CLMN: variants seen among roughly 807,000 people sequenced by gnomAD.
CLMN encodes calmin, also known as calmin (calponin-like, transmembrane).
Under a neutral mutation model 92.7 loss-of-function variants are expected in CLMN, and 57 were observed. The observed-to-expected ratio is 0.61, with a 90% CI of 0.50 to 0.77. CLMN has a LOEUF of 0.77. Ranked by LOEUF, CLMN falls within the 30% of genes least tolerant of loss-of-function variation. The pLI, the probability that CLMN is intolerant of heterozygous loss-of-function variation, is 0.00. For synonymous variants in CLMN, 466 were observed against 470.6 expected, an observed-to-expected ratio of 0.99 and a Z score of 0.13; for missense variants, 1,158 against 1,237.5, an observed-to-expected ratio of 0.94 and a Z score of 0.96.
intron 2 of CLMN, among the ~76,000 whole-genome samples, chr14:95,224,615 C>T (rs1897654471): frequency 6.6e-6 from 1 of 152,128 alleles, no homozygotes; most frequent in African/African-American, 2.4e-5. Context: ...AACTGAGGCT[C>T]AAAGAGGATG....
chr14:95,230,223 G>A, intron 1 of CLMN, 90 bp from the exon 2 acceptor site: 3 of 1,217,214 alleles, frequency 2.5e-6, no homozygotes, highest in Non-Finnish European at 3.6e-6. Context: ...TCTAGGTGGA[G>A]GGCAGACAGA....
chr14:95,221,849 G>C, intron 3 of CLMN, 75 bp from the exon 4 acceptor site: 1 of 1,387,278 alleles, frequency 7.2e-7, no homozygotes, highest in African/African-American at 1.5e-5. Context: ...GGTGCTGCTG[G>C]GTGTGCTTTA....
chr14:95,311,350 AC>A (rs1052557590), intron 1 of CLMN, among the ~76,000 whole-genome samples: 1 of 151,832 alleles, frequency 6.6e-6, no homozygotes, highest in Non-Finnish European at 1.5e-5. Flanking sequence ...TGCATGGAGA[AC>A]CCCCCAGGAG....
chr14:95,226,885 C>T (rs1054511627), intron 2 of CLMN, among the ~76,000 whole-genome samples: 6 of 152,168 alleles, frequency 3.9e-5, no homozygotes, highest in Admixed American at 1.3e-4. Flanking sequence ...GGCCGAAACC[C>T]GATTCTTAAT....
At chr14:95,296,452 C>T (rs887497616) in intron 1 of CLMN, among the ~76,000 whole-genome samples, 2 of 152,256 alleles carry the variant, frequency 1.3e-5, no homozygotes, top group African/African-American at 2.4e-5. Flanking sequence ...TCTCTCTTTC[C>T]TCCACAGAAT....
chr14:95,304,206 C>T (rs916116018), intron 1 of CLMN, among the ~76,000 whole-genome samples: 6 of 152,066 alleles, frequency 3.9e-5, no homozygotes, highest in Admixed American at 3.9e-4. Flanking sequence ...CATGGTGGTG[C>T]ATGCCTGTGG....
intron 10 of CLMN, among the ~76,000 whole-genome samples, chr14:95,196,192 G>A (rs1036478750): frequency 3.3e-5 from 5 of 152,146 alleles, no homozygotes; most frequent in Admixed American, 6.5e-5. Context: ...AGTCTACCGC[G>A]TTCACCCCCA....
In CLMN at chr14:95,185,940, C is replaced by T. The variant is rs1896430661; in HGVS notation, c.*5624G>A. ...CCAAAGCAGCCATGATGGATTCTGA[C>T]ATTTTCGTAAGACACATCTGTACTT... On this transcript the variant is annotated 3_prime_UTR_variant, in exon 13 of 13. Transcript: ENST00000298912. 1 of 152,254 alleles carries T rather than the reference C, an allele frequency of 6.6e-6. No individual in the cohort carries two copies. The highest frequency in any genetic ancestry group is 2.1e-4 in the South Asian group (1 of 4,836). The allele number at this position is 152,254 out of a possible 1,614,324, so 9.4% of individuals were successfully genotyped here. A position where few individuals can be genotyped will look rare whatever the true frequency, so the allele number is the denominator to read the frequency against.
In CLMN at chr14:95,256,236, C is replaced by T. The variant is rs1186446016; in HGVS notation, c.83-26103G>A. ...GAGGCCCGCCACCCACTCCTCGGCA[C>T]CCAGTTGGGAAGGACTTCACAGCAC... On this transcript the variant is annotated intron_variant, in intron 1 of 12. Transcript: ENST00000298912. This position sits in a 1 kb window ranked among gnomAD's most constrained non-coding sequence, Gnocchi z 4.9. Among the ~76,000 whole-genome samples, 3 of 152,194 alleles carry T rather than the reference C, an allele frequency of 2.0e-5. No individual in the cohort carries two copies. The highest frequency in any genetic ancestry group is 4.4e-5 in the Non-Finnish European group (3 of 68,038).
chr14:95,251,118 C>A (rs1013206048), intron 1 of CLMN, among the ~76,000 whole-genome samples: 3 of 152,142 alleles, frequency 2.0e-5, no homozygotes, highest in Non-Finnish European at 4.4e-5. Context: ...CATTTGGCGT[C>A]TGCACTCAAT....
rs1764522722 is a variant in CLMN at position 95,294,804 on chromosome 14, CGTGGGG to C, written c.82+24901_82+24906del. Among the ~76,000 whole-genome samples, 1 of 152,178 alleles carries C rather than the reference CGTGGGG, an allele frequency of 6.6e-6. No individual in the cohort carries two copies. The highest frequency in any genetic ancestry group is 1.5e-5 in the Non-Finnish European group (1 of 68,018). On this transcript the variant is annotated intron_variant, in intron 1 of 12. Coordinates refer to ENST00000298912, the MANE Select transcript of CLMN (RefSeq NM_024734.4). The surrounding 1 kb of genome is among the most constrained non-coding windows in gnomAD (Gnocchi z 4.2). ...CCAATGGGAGGCGCTGGCAGGACAA[CGTGGGG>C]TGGAGGGGCCACATCACTTATTCCT...
Position 95,223,773 on chromosome 14 carries a change from G to C in CLMN, c.227C>G (p.Ser76Cys), listed in dbSNP as rs1244176626. The C allele has an allele frequency of 6.2e-7, 1 of 1,613,276 alleles. No homozygotes were observed. Among genetic ancestry groups the C allele is most frequent in the Admixed American group, 1.7e-5 (1 of 59,880 alleles). ...TAACATACGTACCAGATTCCGCCCA[G>C]ACAGGACTTCTAACAAAGCCATTAG... ...KILMALLEVL[S>C]GRNLLHEYKS... Residue 76 changes from serine (S) to cysteine (C), a missense_variant, in exon 3 of 13, where the codon TCT (serine) becomes TGT (cysteine). Coordinates refer to ENST00000298912, the MANE Select transcript of CLMN (RefSeq NM_024734.4).
At position 95,204,245 on chromosome 14, in the gene CLMN, G is replaced by A. The variant is rs1896978064; in HGVS notation, c.1104C>T (p.Ser368=). The change falls in exon 9 of 13, where the codon TCC becomes TCT. Residue 368 remains serine, a synonymous_variant. Transcript: ENST00000298912. ...SMKEFRLDGV[S]SHALSDSSTE... ...TGGAGCTGTCTGACAGCGCATGGCT[G>A]GAAACACCATCCAGGCGGAATTCCT... 1.2e-6 allele frequency: 2 copies of A among 1,614,090 alleles called. No homozygotes were observed. The highest frequency in any genetic ancestry group is 2.2e-5 in the East Asian group (1 of 44,876).
chr14:95,254,090 T>C (rs1898900007), intron 1 of CLMN, among the ~76,000 whole-genome samples: 1 of 152,176 alleles, frequency 6.6e-6, no homozygotes, highest in Non-Finnish European at 1.5e-5. Context: ...AGCACCACTG[T>C]TGTGTGAGTC....
intron 1 of CLMN, among the ~76,000 whole-genome samples, chr14:95,234,012 TA>T (rs895242963): frequency 6.6e-6 from 1 of 152,180 alleles, no homozygotes; most frequent in African/African-American, 2.4e-5. Context: ...TATCTGGACC[TA>T]AAACTGGGAC....
Position 95,209,380 on chromosome 14 carries a change from G to A in CLMN, c.885+15C>T, listed in dbSNP as rs1897132124. 6.2e-7 allele frequency: 1 copy of A among 1,613,094 alleles called. No individual in the cohort carries two copies. Among genetic ancestry groups the A allele is most frequent in the African/African-American group, 1.3e-5 (1 of 75,010 alleles). ...TGTATGGTGTCGGAATTAAAGGTAA[G>A]AAAAGCAAACATACGGCTTCCAACT... On this transcript the variant is annotated intron_variant, in intron 8 of 12. Transcript: ENST00000298912.
At chr14:95,197,076 C>T (rs1358519804) in intron 9 of CLMN, among the ~76,000 whole-genome samples, 2 of 152,294 alleles carry the variant, frequency 1.3e-5, no homozygotes, top group East Asian at 3.9e-4. Context: ...CACTATTCCA[C>T]AGGATTTCCT....
chr14:95,283,965 CA>C, intron 1 of CLMN, among the ~76,000 whole-genome samples: 1 of 152,296 alleles, frequency 6.6e-6, no homozygotes, highest in East Asian at 1.9e-4. Flanking sequence ...GTCTCCAGGC[CA>C]CGTCAGAGAC....
intron 1 of CLMN, among the ~76,000 whole-genome samples, chr14:95,247,103 T>C (rs1898602899): frequency 7.1e-6 from 1 of 141,810 alleles, no homozygotes; most frequent in South Asian, 2.1e-4. Context: ...CAGGAATCAG[T>C]GTGGGACCCA....
Sources: allele counts gnomAD v4.1 joint callset (sites outside exome capture counted in the v4.1 genomes callset), GRCh38; gene constraint gnomAD v4.1.1; non-coding constraint Gnocchi (gnomAD v3.1); transcripts MANE v1.5; gene names NCBI Gene and HGNC (gene_info 2026-07-23, HGNC 2026-07-21).